Variants in UGGT1 observed in about 807,000 individuals in gnomAD.
UGGT1 encodes the protein UDP-glucose glycoprotein glucosyltransferase 1.
UGGT1 carries 107 observed loss-of-function variants against 203.9 expected under a neutral mutation model. The observed-to-expected ratio is 0.52, with a 90% CI of 0.45 to 0.62. The LOEUF (loss-of-function observed/expected upper bound fraction) is 0.62, where lower values mean the gene tolerates loss of function less well. Ranked by LOEUF, UGGT1 falls within the 20% of genes least tolerant of loss-of-function variation. The pLI is 0.00. For missense variants in UGGT1, 1,673 were observed against 1,867.2 expected (o/e 0.90, Z 1.92); for synonymous variants, 628 against 653.5 (o/e 0.96, Z 0.59).
intron 10 of UGGT1, 76 bp from the exon 11 acceptor site, chr2:128,123,110 A>G: frequency 1.7e-6 from 2 of 1,180,662 alleles, no homozygotes; most frequent in Non-Finnish European, 2.4e-6. Context: ...AATGTGTTTC[A>G]TATTTTAAAA....
In UGGT1 at chr2:128,174,764, T is replaced by C. The variant is rs1267514335; in HGVS notation, c.3454-9T>C. ...AAGAGAGCTAACTGGACTTTTCTTCTTGTCCTAGGGCTACTTTCAGCTGAA... is the reference window on the plus strand; with the variant it reads ...AAGAGAGCTAACTGGACTTTTCTTCCTGTCCTAGGGCTACTTTCAGCTGAA... On this transcript the variant is annotated splice_polypyrimidine_tract_variant and intron_variant, in intron 30 of 40. Transcript: ENST00000259253. 1.9e-6 allele frequency: 3 copies of C among 1,607,490 alleles called. No individual in the cohort carries two copies. The African/African-American group carries it at 4.0e-5, about 22-fold the overall frequency.
intron 16 of UGGT1, chr2:128,140,233 G>A (rs181890109): frequency 9.3e-5 from 15 of 160,480 alleles, no homozygotes; most frequent in African/African-American, 3.3e-4. Flanking sequence ...ATCCTTTTCA[G>A]TCTATCATCG....
In UGGT1 at chr2:128,127,455, A is replaced by G. The variant is rs1325675686; in HGVS notation, c.1226+3A>G. 6.2e-7 allele frequency: 1 copy of G among 1,600,560 alleles called. No homozygotes were observed. Among genetic ancestry groups the G allele is most frequent in the Non-Finnish European group, 8.5e-7 (1 of 1,169,730 alleles). ...TTAGATACACAGGATATATTCAGGTATGGATAATATTTTTCATTCTCTGAA... is the reference window on the plus strand; with the variant it reads ...TTAGATACACAGGATATATTCAGGTGTGGATAATATTTTTCATTCTCTGAA... On this transcript the variant is annotated splice_donor_region_variant and intron_variant, in intron 12 of 40. Transcript: ENST00000259253.
At chr2:128,172,812 A>T in intron 29 of UGGT1, 50 bp downstream of exon 29, 2 of 1,544,366 alleles carry the variant, frequency 1.3e-6, no homozygotes, top group Non-Finnish European at 1.8e-6. Context: ...ATAATACAGC[A>T]GATTGAATCA....
chr2:128,138,605 AAG>A (rs1423612098), intron 15 of UGGT1, 110 bp from the exon 16 acceptor site: 2 of 1,299,172 alleles, frequency 1.5e-6, no homozygotes, highest in East Asian at 4.6e-5. Context: ...TTTTCACTCA[AAG>A]AGTTTTCCTC....
At chr2:128,133,464 C>A (rs895843884) in intron 14 of UGGT1, among the ~76,000 whole-genome samples, 60 of 152,216 alleles carry the variant, frequency 3.9e-4, no homozygotes, top group African/African-American at 1.3e-3. Context: ...AGGAGCATTA[C>A]AGCCCCCCTC....
intron 16 of UGGT1, among the ~76,000 whole-genome samples, chr2:128,142,676 A>G (rs989421848): frequency 1.5e-4 from 23 of 149,742 alleles, no homozygotes; most frequent in African/African-American, 5.6e-4. Flanking sequence ...ACATGTCCCA[A>G]TTTGACCTTT....
At chr2:128,162,432 T>C (rs916200007) in intron 25 of UGGT1, among the ~76,000 whole-genome samples, 2 of 129,132 alleles carry the variant, frequency 1.5e-5, no homozygotes, top group Non-Finnish European at 3.4e-5. Flanking sequence ...AAAGTGAGAC[T>C]GTGTCTCCAA....
At chr2:128,169,428 C>T (rs572205538) in intron 26 of UGGT1, among the ~76,000 whole-genome samples, 7 of 152,076 alleles carry the variant, frequency 4.6e-5, no homozygotes, top group East Asian at 1.9e-4. Context: ...TTAATGCTGA[C>T]GAAGGATGTG....
At chr2:128,188,307 G>A (rs1573642449) in intron 40 of UGGT1, among the ~76,000 whole-genome samples, 1 of 152,092 alleles carries the variant, frequency 6.6e-6, no homozygotes, top group Admixed American at 6.6e-5. Context: ...GCCTCCCAAA[G>A]TGCTAGGATT....
intron 2 of UGGT1, among the ~76,000 whole-genome samples, chr2:128,098,147 G>A (rs1386381453): frequency 6.6e-6 from 1 of 152,188 alleles, no homozygotes; most frequent in Non-Finnish European, 1.5e-5. Flanking sequence ...ACAGATGTGA[G>A]CCACTGTGCC....
At chr2:128,130,715 A>G (rs1228274389) in intron 13 of UGGT1, among the ~76,000 whole-genome samples, 1 of 152,120 alleles carries the variant, frequency 6.6e-6, no homozygotes. Context: ...CCTGAAGTTC[A>G]TATCTTTTCT....
rs749379830 is a variant in UGGT1, at chr2:128,179,864, A to G, written c.3894A>G (p.Thr1298=). ...FWFLKNYLSP[T]FKEFIPYMAN... is the part of the protein sequence containing the mutation. The stretch of plus-strand genomic sequence containing the variant: ...TCTTGAAGAATTACTTGTCCCCCAC[A>G]TTTAAGGTTTGTTTCACAGAGAAAG... The change falls in exon 35 of 41, where the codon ACA becomes ACG. Residue 1298 remains threonine (T), a synonymous_variant. Transcript: ENST00000259253. The G allele has an allele frequency of 2.5e-6, 4 of 1,612,886 alleles. No individual in the cohort carries two copies. The African/African-American group carries it at 4.0e-5, about 16-fold the overall frequency.
chr2:128,186,724 C>G lies in UGGT1; in HGVS notation c.4401C>G (p.Ser1467=). The change falls in exon 39 of 41, where the codon TCC becomes TCG. Residue 1467 remains serine, a synonymous_variant. Transcript: ENST00000259253. The part of the protein sequence containing the change: ...NNMIHQVPIK[S]LPQEWLWCET... ...TGATTCATCAGGTGCCAATTAAATC[C>G]CTCCCTCAAGAATGGCTTTGGTGTG... The G allele has an allele frequency of 6.2e-7, 1 of 1,613,450 alleles. No homozygotes were observed. Among genetic ancestry groups the G allele is most frequent in the Non-Finnish European group, 8.5e-7 (1 of 1,179,724 alleles).
chr2:128,142,125 A>G (rs1389092992), intron 16 of UGGT1, among the ~76,000 whole-genome samples: 2 of 151,660 alleles, frequency 1.3e-5, no homozygotes, highest in Admixed American at 6.6e-5. Context: ...TGTTTTTAGT[A>G]GGGTTTCAGC....
intron 3 of UGGT1, among the ~76,000 whole-genome samples, chr2:128,105,404 C>T (rs1033063377): frequency 5.3e-5 from 8 of 151,710 alleles, no homozygotes; most frequent in Non-Finnish European, 1.2e-4. Context: ...TCTCAGACTC[C>T]TAGGGCTCAA....
chr2:128,152,867 G>A lies in UGGT1; in HGVS notation c.2100G>A (p.Leu700=). ...NVVPRINSRI[L]TAERDYLDLT... is the part of the protein sequence containing the mutation. Reference sequence around the variant, plus strand: ...TTCCACGAATCAATTCTAGGATTTTGACAGCTGAACGAGACTACCTGGATT... The same window carrying A: ...TTCCACGAATCAATTCTAGGATTTTAACAGCTGAACGAGACTACCTGGATT... Residue 700 remains leucine (L), a synonymous_variant, in exon 19 of 41, where the codon TTG becomes TTA. Transcript: ENST00000259253. 1 of 1,613,898 alleles carries A rather than the reference G, an allele frequency of 6.2e-7. No homozygotes were observed. The highest frequency in any genetic ancestry group is 8.5e-7 in the Non-Finnish European group (1 of 1,179,974).
chr2:128,120,946 A>G (rs62157731), intron 9 of UGGT1, among the ~76,000 whole-genome samples: 21,635 of 74,624 alleles, frequency 0.29, 1,969 homozygotes, highest in Non-Finnish European at 0.41. Flanking sequence ...AGCCTGTGCT[A>G]CATGCGTTAG....
rs777396788 is a variant in UGGT1, at chr2:128,123,256, G to A, written c.1134+10G>A. The stretch of plus-strand genomic sequence containing the variant: ...GGAAGAGAATCAGAAGGTATTCACC[G>A]ATAGAAAATACTGACCTGTTTTGTA... On this transcript the variant is annotated intron_variant, in intron 11 of 40. Coordinates refer to ENST00000259253, the MANE Select transcript of UGGT1 (RefSeq NM_020120.4). 5.0e-6 allele frequency: 8 copies of A among 1,610,280 alleles called. No individual in the cohort carries two copies. In the South Asian group the frequency reaches 6.6e-5, roughly 13 times the overall value.
Sources: gnomAD v4.1 joint callset for allele counts (sites outside exome capture counted in the v4.1 genomes callset) on GRCh38, gnomAD v4.1.1 for gene constraint, MANE v1.5 for transcripts, NCBI Gene and HGNC (gene_info 2026-07-23, HGNC 2026-07-21) for gene names.